The following RSBN1L variants were observed in gnomAD, a reference collection of about 807,000 sequenced individuals.
RSBN1L encodes lysine-specific demethylase RSBN1L.
RSBN1L carries 30 observed loss-of-function variants against 67.7 expected under a neutral mutation model. The observed-to-expected ratio is 0.44, with a 90% CI of 0.33 to 0.60. The LOEUF (loss-of-function observed/expected upper bound fraction) is 0.60. RSBN1L is among the 20% of genes least tolerant of loss of function. The pLI is 0.02. For missense variants in RSBN1L, 992 were observed against 1,031.7 expected (o/e 0.96, Z 0.53); for synonymous variants, 433 against 387.0 (o/e 1.12, Z -1.39).
chr7:77,741,202 G>T (rs1300596634), intron 2 of RSBN1L, among the ~76,000 whole-genome samples: 1 of 151,328 alleles, frequency 6.6e-6, no homozygotes, highest in African/African-American at 2.4e-5. Flanking sequence ...GGCCAGGCTG[G>T]TCTCGAACTC....
At chr7:77,757,913 C>T (rs913255953) in intron 3 of RSBN1L, among the ~76,000 whole-genome samples, 4 of 152,068 alleles carry the variant, frequency 2.6e-5, no homozygotes, top group Non-Finnish European at 5.9e-5. Flanking sequence ...CATGGTGAAA[C>T]CCAGATTCGT....
In RSBN1L at chr7:77,697,037, G is replaced by A; in HGVS notation, c.568G>A (p.Val190Met). The A allele has an allele frequency of 2.7e-6, 4 of 1,506,370 alleles. No individual in the cohort carries two copies. The highest frequency in any genetic ancestry group is 2.1e-5 in the Admixed American group (1 of 47,276). 93.3% of individuals were successfully genotyped at this position (1,506,370 alleles called of 1,614,324 possible). A position where few individuals can be genotyped will look rare whatever the true frequency, so the allele number is the denominator to read the frequency against. ...GGASREENGEVKPLPRDKIKD... is the reference protein window; with the variant it reads ...GGASREENGEMKPLPRDKIKD... ...GGCCTCCCGGGAGGAGAACGGGGAG[G>A]TGAAGCCGCTGCCCCGAGGTGGGTG... The change falls in exon 1 of 8, where the codon GTG becomes ATG. Residue 190 changes from valine to methionine, a missense_variant. Coordinates refer to ENST00000334955, the MANE Select transcript of RSBN1L (RefSeq NM_198467.3).
rs1206478672 is a variant in RSBN1L at position 77,696,980 on chromosome 7, C to G, written c.511C>G (p.His171Asp). 6.4e-7 allele frequency: 1 copy of G among 1,554,512 alleles called. No homozygotes were observed. The highest frequency in any genetic ancestry group is 1.2e-5 in the South Asian group (1 of 85,900). ...KEKREKERRR[H>D]GLGGAREAGG... Reference sequence around the variant, plus strand: ...GAAGCGGGAGAAGGAGAGGAGGAGGCACGGTCTCGGTGGGGCCCGAGAGGC... The same window carrying G: ...GAAGCGGGAGAAGGAGAGGAGGAGGGACGGTCTCGGTGGGGCCCGAGAGGC... Residue 171 changes from histidine to aspartate, a missense_variant, in exon 1 of 8, where the codon CAC becomes GAC. By Grantham distance (81) the His-to-Asp change is moderately conservative. Coordinates refer to ENST00000334955, the MANE Select transcript of RSBN1L (RefSeq NM_198467.3).
Position 77,718,646 on chromosome 7 carries a change from A to C in RSBN1L, c.587-17764A>C, listed in dbSNP as rs371995070. ...TTTAACATTTTTCTAGAGTCAGTGCATGTCTTGTATATACTTAAACAAAAC... is the reference window on the plus strand; with the variant it reads ...TTTAACATTTTTCTAGAGTCAGTGCCTGTCTTGTATATACTTAAACAAAAC... On this transcript the variant is annotated intron_variant, in intron 1 of 7. Coordinates refer to ENST00000334955, the MANE Select transcript of RSBN1L (RefSeq NM_198467.3). Among the ~76,000 whole-genome samples the C allele has an allele frequency of 9.8e-5, 15 of 152,308 alleles. No individual in the cohort carries two copies. The South Asian group carries it at 3.1e-3, about 32-fold the overall frequency.
chr7:77,778,469 C>A, intron 7 of RSBN1L, 23 bp downstream of exon 7: 1 of 1,596,158 alleles, frequency 6.3e-7, no homozygotes, highest in African/African-American at 1.3e-5. Context: ...CACTTACTGT[C>A]TTTGGTTTAG....
rs1308038757 is a variant in RSBN1L at position 77,696,978 on chromosome 7, G to A, written c.509G>A (p.Arg170Lys). Reference protein sequence around the residue: ...PKEKREKERRRHGLGGAREAG... With the variant: ...PKEKREKERRKHGLGGAREAG... ...GAGAAGCGGGAGAAGGAGAGGAGGA[G>A]GCACGGTCTCGGTGGGGCCCGAGAG... is the stretch of plus-strand genomic sequence containing the variant. Residue 170 changes from arginine to lysine, a missense_variant, in exon 1 of 8, where the codon AGG (arginine) becomes AAG (lysine). By Grantham distance (26) the Arg-to-Lys change is conservative. Coordinates refer to ENST00000334955, the MANE Select transcript of RSBN1L (RefSeq NM_198467.3). 5 of 1,557,796 alleles carry A rather than the reference G, an allele frequency of 3.2e-6. No homozygotes were observed. In the South Asian group the frequency reaches 5.8e-5, roughly 18 times the overall value.
Position 77,720,474 on chromosome 7 carries a change from G to T in RSBN1L, c.587-15936G>T, listed in dbSNP as rs552890768. On this transcript the variant is annotated intron_variant, in intron 1 of 7. Coordinates refer to ENST00000334955, the MANE Select transcript of RSBN1L (RefSeq NM_198467.3). ...ACTCGGGAGGCTGAGGCAGAGAATC[G>T]CTTGAACCCGGGAGGCAGAGGTTGC... Among the ~76,000 whole-genome samples, 3 of 152,186 alleles carry T rather than the reference G, an allele frequency of 2.0e-5. No individual in the cohort carries two copies. In the South Asian group the frequency reaches 6.2e-4, roughly 32 times the overall value.
intron 1 of RSBN1L, among the ~76,000 whole-genome samples, chr7:77,728,505 C>G (rs112971165): frequency 1.4e-3 from 219 of 152,296 alleles, no homozygotes; most frequent in African/African-American, 4.6e-3. Context: ...GCTATAGGTT[C>G]ACGCCCAGAA....
At position 77,780,764 on chromosome 7, in the gene RSBN1L, A is replaced by G. The variant is rs939115578; in HGVS notation, c.*1596A>G. The G allele has an allele frequency of 6.6e-6, 1 of 152,234 alleles. No homozygotes were observed. Among genetic ancestry groups the G allele is most frequent in the Non-Finnish European group, 1.5e-5 (1 of 68,042 alleles). 9.4% of individuals were successfully genotyped at this position (152,234 alleles called of 1,614,324 possible). A position where few individuals can be genotyped will look rare whatever the true frequency, so the allele number is the denominator to read the frequency against. ...TTCCTTTTCGAAAGAAGTTCTAGAA[A>G]TTAAATTGAGGTAGGAGACGGATTG... On this transcript the variant is annotated 3_prime_UTR_variant, in exon 8 of 8. Transcript: ENST00000334955.
Position 77,752,891 on chromosome 7 carries a change from G to A in RSBN1L, c.1344+2827G>A, listed in dbSNP as rs1293439101. On this transcript the variant is annotated intron_variant, in intron 3 of 7. Coordinates refer to ENST00000334955, the MANE Select transcript of RSBN1L (RefSeq NM_198467.3). ...TATATTTTGCTTCTTTTTGAACTTA[G>A]GTGGAATCAGATAGTACGTACATTG... Among the ~76,000 whole-genome samples, 138 of 152,234 alleles carry A rather than the reference G, an allele frequency of 9.1e-4. 2 individuals carry two copies. The highest frequency in any genetic ancestry group is 4.8e-5 in the African/African-American group (2 of 41,544).
chr7:77,705,993 C>T (rs1363497463), intron 1 of RSBN1L, among the ~76,000 whole-genome samples: 1 of 151,770 alleles, frequency 6.6e-6, no homozygotes, highest in Non-Finnish European at 1.5e-5. Context: ...CTCCACCTCC[C>T]AGGTTCAAGC....
chr7:77,744,030 T>C (rs1443547853), intron 2 of RSBN1L, among the ~76,000 whole-genome samples: 3 of 149,762 alleles, frequency 2.0e-5, no homozygotes, highest in Non-Finnish European at 1.5e-5. Flanking sequence ...CTGGACTGTT[T>C]TACTTTTTAC....
At chr7:77,735,852 C>T (rs1273178495) in intron 1 of RSBN1L, among the ~76,000 whole-genome samples, 1 of 152,124 alleles carries the variant, frequency 6.6e-6, no homozygotes, top group Non-Finnish European at 1.5e-5. Context: ...CACAGTATCA[C>T]CAAGTAGTCA....
Position 77,709,782 on chromosome 7 carries a change from G to C in RSBN1L, c.586+12727G>C, listed in dbSNP as rs78012202. On this transcript the variant is annotated intron_variant, in intron 1 of 7. Transcript: ENST00000334955. ...TTTCTGGCTTTTGCTAATTGCCCTG[G>C]TATTTTTCTAGTGTCCATTGTTAGC... is the stretch of plus-strand genomic sequence containing the variant. 2.9e-3 allele frequency among the ~76,000 whole-genome samples: 445 copies of C among 152,126 alleles called. 1 individual carries two copies. Among genetic ancestry groups the C allele is most frequent in the Middle Eastern group, 0.01 (3 of 294 alleles).
rs556000574 is a variant in RSBN1L, at chr7:77,781,228, G to C, written c.*2060G>C. 2 of 152,190 alleles carry C rather than the reference G, an allele frequency of 1.3e-5. No homozygotes were observed. The highest frequency in any genetic ancestry group is 4.8e-5 in the African/African-American group (2 of 41,452). The allele number at this position is 152,190 out of a possible 1,614,324, so 9.4% of individuals were successfully genotyped here. A position where few individuals can be genotyped will look rare whatever the true frequency, so the allele number is the denominator to read the frequency against. On this transcript the variant is annotated 3_prime_UTR_variant, in exon 8 of 8. Coordinates refer to ENST00000334955, the MANE Select transcript of RSBN1L (RefSeq NM_198467.3). ...TTTGTAGGAAATCAGTGTTTGCAAC[G>C]TAGGAAGTTTCATGGGATAGGGAAG... is the stretch of plus-strand genomic sequence containing the variant.
chr7:77,702,351 A>G (rs1463027782), intron 1 of RSBN1L, among the ~76,000 whole-genome samples: 1 of 152,154 alleles, frequency 6.6e-6, no homozygotes, highest in African/African-American at 2.4e-5. Context: ...CATGGGTGCA[A>G]CGTTTTCTGT....
At chr7:77,760,837 T>C (rs1278691168) in intron 3 of RSBN1L, among the ~76,000 whole-genome samples, 3 of 152,232 alleles carry the variant, frequency 2.0e-5, no homozygotes, top group Admixed American at 1.3e-4. Context: ...GGTTTTGTCA[T>C]GTTGGCCAGG....
chr7:77,725,243 A>AATTTTTTTTTTTTTTTTTTT (rs1554338354), intron 1 of RSBN1L, among the ~76,000 whole-genome samples: 1 of 57,916 alleles, frequency 1.7e-5, no homozygotes, highest in African/African-American at 8.8e-5. Context: ...TAAGCCCCCC[A>AATTTTTTTTTTTTTTTTTTT]CTTTTTTTTT....
Position 77,697,072 on chromosome 7 carries a change from G to T in RSBN1L, c.586+17G>T, listed in dbSNP as rs1203533964. ...TGCCCCGAGGTGGGTGCCGTGCGGG[G>T]AGGGGGAGGGGAGGGCGCCGTGGGT... On this transcript the variant is annotated intron_variant, in intron 1 of 7. Transcript: ENST00000334955. 2.9e-6 allele frequency: 4 copies of T among 1,386,278 alleles called. No homozygotes were observed. The African/African-American group carries it at 4.6e-5, about 16-fold the overall frequency. 85.9% of individuals were successfully genotyped at this position (1,386,278 alleles called of 1,614,324 possible).
Sources: allele counts gnomAD v4.1 joint callset (sites outside exome capture counted in the v4.1 genomes callset), GRCh38; gene constraint gnomAD v4.1.1; transcripts MANE v1.5; gene names NCBI Gene and HGNC (gene_info 2026-07-23, HGNC 2026-07-21).